ANXA4: variants seen among roughly 807,000 people sequenced by gnomAD.
The protein encoded by ANXA4 is annexin A4, also known as 35-beta calcimedin.
ANXA4 carries 39 observed loss-of-function variants against 49.8 expected under a neutral mutation model. The ratio of observed to expected loss-of-function variants is 0.78; its 90% CI spans 0.61 to 1.02. ANXA4 has a LOEUF of 1.02. ANXA4 is among the 50% of genes least tolerant of loss of function. The probability of loss-of-function intolerance (pLI) is 0.00; values close to 1 mark genes in which losing one functional copy is unlikely to be tolerated. For synonymous variants in ANXA4, 134 were observed against 152.5 expected (o/e 0.88, Z 0.89); for missense variants, 360 against 410.1 (o/e 0.88, Z 1.05).
intron 3 of ANXA4, among the ~76,000 whole-genome samples, chr2:69,724,889 T>C (rs1669919790): frequency 6.6e-6 from 1 of 152,056 alleles, no homozygotes; most frequent in Non-Finnish European, 1.5e-5. Flanking sequence ...GAGAGGAAGC[T>C]GGGTTGCAGC....
At chr2:69,805,279 T>G (rs1673394812) in intron 4 of ANXA4, among the ~76,000 whole-genome samples, 1 of 151,948 alleles carries the variant, frequency 6.6e-6, no homozygotes, top group Non-Finnish European at 1.5e-5. Context: ...CTTATGTATA[T>G]AACAGTAGAA....
At chr2:69,808,580 T>C (rs1434116561) in intron 6 of ANXA4, 1 of 153,088 alleles carries the variant, frequency 6.5e-6, no homozygotes, top group Non-Finnish European at 1.5e-5. Context: ...AGTAGCAGAT[T>C]GTCTAAACAA....
chr2:69,805,672 A>G (rs918831771), intron 4 of ANXA4, among the ~76,000 whole-genome samples: 2 of 152,108 alleles, frequency 1.3e-5, no homozygotes, highest in African/African-American at 4.8e-5. Flanking sequence ...TAAAAAGGTT[A>G]TCAGTGAATA....
At chr2:69,761,289 C>T (rs897266512) in intron 1 of ANXA4, among the ~76,000 whole-genome samples, 1 of 152,090 alleles carries the variant, frequency 6.6e-6, no homozygotes, top group African/African-American at 2.4e-5. Context: ...GCAAATTTTT[C>T]ATCAAATGTC....
chr2:69,728,836 T>TG (rs61146661), intron 3 of ANXA4, among the ~76,000 whole-genome samples: 150,229 of 152,300 alleles, frequency 0.99, 74,107 homozygotes, highest in East Asian at 1. Flanking sequence ...TTGCTCTTTT[T>TG]GTCGTTTGCA....
intron 2 of ANXA4, among the ~76,000 whole-genome samples, chr2:69,680,196 A>T (rs151082519): frequency 0.013 from 1,911 of 152,238 alleles, 19 homozygotes; most frequent in Non-Finnish European, 0.019. Context: ...AGCATTTTGT[A>T]GTTTCCCTTA....
rs185055032 is a variant in ANXA4 at position 69,733,967 on chromosome 2, T to A, written n.864+13096T>A. On this transcript the variant is annotated intron_variant and non_coding_transcript_variant, in intron 3 of 3. Transcript: ENST00000418066. ...TATGGGATGAGCTATTTTTTTTTTT[T>A]AATCTGGCCTTACTGAATCAATGAG... is the stretch of plus-strand genomic sequence containing the variant. Among the ~76,000 whole-genome samples, 6 of 152,264 alleles carry A rather than the reference T, an allele frequency of 3.9e-5. No individual in the cohort carries two copies. The East Asian group carries it at 1.2e-3, about 29-fold the overall frequency.
chr2:69,780,657 G>T (rs1010305194), intron 1 of ANXA4, among the ~76,000 whole-genome samples: 5 of 152,102 alleles, frequency 3.3e-5, no homozygotes, highest in Non-Finnish European at 5.9e-5. Flanking sequence ...CAGGAGGATC[G>T]CTTGAGTCCA....
At position 69,774,326 on chromosome 2, in the gene ANXA4, AGCCCC is replaced by A. The variant is rs1347060387; in HGVS notation, c.-46-7193_-46-7189del. Among the ~76,000 whole-genome samples the A allele has an allele frequency of 5.5e-4, 45 of 82,040 alleles. 1 individual carries two copies. The highest frequency in any genetic ancestry group is 2.3e-3 in the Admixed American group (18 of 7,924). The allele number at this position is 82,040 out of a possible 152,430, so 53.8% of individuals were successfully genotyped here. A position where few individuals can be genotyped will look rare whatever the true frequency, so the allele number is the denominator to read the frequency against. On this transcript the variant is annotated intron_variant, in intron 1 of 12. Coordinates refer to ENST00000394295, the MANE Select transcript of ANXA4 (RefSeq NM_001153.5). ...TTATATGAGGTGTTTATGTAAAAGG[AGCCCC>A]CCCCCCCCCTTTTTTTTTTTTTTTG...
At chr2:69,649,761 AC>A (rs1676158113) in intron 1 of ANXA4, among the ~76,000 whole-genome samples, 1 of 148,640 alleles carries the variant, frequency 6.7e-6, no homozygotes, top group South Asian at 2.1e-4. Context: ...ACAGGCTCAC[AC>A]CACCACGTCT....
At chr2:69,811,825 G>A (rs1385113234) in intron 7 of ANXA4, among the ~76,000 whole-genome samples, 1 of 152,024 alleles carries the variant, frequency 6.6e-6, no homozygotes, top group Non-Finnish European at 1.5e-5. Context: ...TATTTACTTA[G>A]TAACGCCTGC....
intron 2 of ANXA4, among the ~76,000 whole-genome samples, chr2:69,704,290 C>T (rs182267118): frequency 2.0e-5 from 3 of 152,176 alleles, no homozygotes; most frequent in East Asian, 1.9e-4. Context: ...TATTTTCTAA[C>T]GAGCCATTTT....
chr2:69,788,189 C>T (rs757364281), intron 3 of ANXA4, 48 bp downstream of exon 3: 3 of 1,512,964 alleles, frequency 2.0e-6, no homozygotes, highest in South Asian at 1.1e-5. Flanking sequence ...TTGCACATCA[C>T]AGGGTCACAC....
At chr2:69,654,190 A>G (rs1676353495) in intron 2 of ANXA4, among the ~76,000 whole-genome samples, 1 of 152,208 alleles carries the variant, frequency 6.6e-6, no homozygotes, top group Admixed American at 6.5e-5. Context: ...TTGGGCTGAG[A>G]CAATGGGGTT....
intron 1 of ANXA4, among the ~76,000 whole-genome samples, chr2:69,758,516 A>G (rs1300671222): frequency 6.6e-6 from 1 of 152,102 alleles, no homozygotes; most frequent in Non-Finnish European, 1.5e-5. Context: ...CAGCTACTCA[A>G]CAGGCTGAGA....
Position 69,781,569 on chromosome 2 carries a change from G to GC in ANXA4, c.6dup (p.Met3HisfsTer34). On this transcript the variant is annotated frameshift_variant, in exon 2 of 13. Transcript: ENST00000394295. LOFTEE classifies it high-confidence loss of function. ...ACTCTGATCTTGACCTAGAGTCATG[G>GC]CCATGGTAAGTTGTGAAATACCTCA... 1 of 1,614,022 alleles carries GC rather than the reference G, an allele frequency of 6.2e-7. No individual in the cohort carries two copies. The highest frequency in any genetic ancestry group is 1.1e-5 in the South Asian group (1 of 91,040).
At position 69,806,455 on chromosome 2, in the gene ANXA4, C is replaced by A; in HGVS notation, c.263C>A (p.Pro88His). ...FEQVIVGMMT[P>H]TVLYDVQELR... ...CAGGTGATTGTGGGGATGATGACGC[C>A]CACGGTGCTGTATGACGTGCAAGAG... Residue 88 changes from proline (P) to histidine (H), a missense_variant, in exon 5 of 13, where the codon CCC becomes CAC. Transcript: ENST00000394295. The A allele has an allele frequency of 6.2e-7, 1 of 1,614,022 alleles. No homozygotes were observed. Among genetic ancestry groups the A allele is most frequent in the South Asian group, 1.1e-5 (1 of 91,076 alleles).
At chr2:69,738,408 G>A (rs553325673), upstream of ANXA4, among the ~76,000 whole-genome samples, 22 of 152,230 alleles carry the variant, frequency 1.4e-4, no homozygotes, top group Admixed American at 9.8e-4. Flanking sequence ...AGCTCAGTAG[G>A]CATCATCTTA....
intron 1 of ANXA4, among the ~76,000 whole-genome samples, chr2:69,753,380 C>T (rs1670928625): frequency 6.6e-6 from 1 of 152,256 alleles, no homozygotes; most frequent in East Asian, 1.9e-4. Context: ...CTCTGGGGCC[C>T]ACCCAAGATT....
Sources: allele counts gnomAD v4.1 joint callset (sites outside exome capture counted in the v4.1 genomes callset), GRCh38; gene constraint gnomAD v4.1.1; transcripts MANE v1.5; gene names NCBI Gene and HGNC (gene_info 2026-07-23, HGNC 2026-07-21).